Variants in IGF1R observed in about 807,000 individuals in gnomAD.
IGF1R encodes insulin-like growth factor 1 receptor.
Under a neutral mutation model 144.6 loss-of-function variants are expected in IGF1R, and 44 were observed. That is an observed-to-expected ratio of 0.30 (90% CI 0.24 to 0.39). IGF1R has a LOEUF of 0.39. Ranked by LOEUF, IGF1R falls within the 10% of genes least tolerant of loss-of-function variation. IGF1R has a pLI of 1.00. For missense variants in IGF1R, 1,355 were observed against 1,833.7 expected (o/e 0.74, Z 4.77); for synonymous variants, 795 against 722.8 (o/e 1.10, Z -1.60).
chr15:98,704,808 A>G lies in IGF1R; in HGVS notation c.95-2754A>G, dbSNP rs74032534. Reference sequence around the variant, plus strand: ...GAACAGCGTGCTGCACAGGGAGGAAAGACGTGGGGCAGCATTGTGGGAAGA... The same window carrying G: ...GAACAGCGTGCTGCACAGGGAGGAAGGACGTGGGGCAGCATTGTGGGAAGA... On this transcript the variant is annotated intron_variant, in intron 1 of 20. Coordinates refer to ENST00000650285, the MANE Select transcript of IGF1R (RefSeq NM_000875.5). The surrounding 1 kb of genome is among the most constrained non-coding windows in gnomAD (Gnocchi z 4.9). Among the ~76,000 whole-genome samples, 1 of 152,002 alleles carries G rather than the reference A, an allele frequency of 6.6e-6. No individual in the cohort carries two copies. Among genetic ancestry groups the G allele is most frequent in the South Asian group, 2.1e-4 (1 of 4,816 alleles).
rs150226058 is a variant in IGF1R at position 98,819,560 on chromosome 15, C to A, written c.641-71765C>A. 1.3e-3 allele frequency among the ~76,000 whole-genome samples: 198 copies of A among 152,234 alleles called. 1 individual carries two copies. The highest frequency in any genetic ancestry group is 4.7e-3 in the African/African-American group (196 of 41,548). On this transcript the variant is annotated intron_variant, in intron 2 of 20. Transcript: ENST00000650285. Reference sequence around the variant, plus strand: ...GTGCCTTGATCTTGGACTTCCCAGACTCTAGAACTGTAAGGAATAAGTTTC... The same window carrying A: ...GTGCCTTGATCTTGGACTTCCCAGAATCTAGAACTGTAAGGAATAAGTTTC...
chr15:98,859,436 A>C (rs2012022166), intron 2 of IGF1R, among the ~76,000 whole-genome samples: 1 of 152,216 alleles, frequency 6.6e-6, no homozygotes, highest in South Asian at 2.1e-4. Context: ...CGATGTTTGC[A>C]CTCAGACACT....
chr15:98,753,984 A>G (rs950576680), intron 2 of IGF1R, among the ~76,000 whole-genome samples: 5 of 152,178 alleles, frequency 3.3e-5, no homozygotes, highest in Non-Finnish European at 7.4e-5. Flanking sequence ...GCAGGGCTCC[A>G]GCCTTCCTTC....
chr15:98,867,066 C>T (rs2012488625), intron 2 of IGF1R, among the ~76,000 whole-genome samples: 1 of 151,864 alleles, frequency 6.6e-6, no homozygotes, highest in Non-Finnish European at 1.5e-5. Flanking sequence ...ACACCAATGG[C>T]GCCTCTCACA....
At chr15:98,700,117 T>C (rs976288883) in intron 1 of IGF1R, among the ~76,000 whole-genome samples, 1 of 152,180 alleles carries the variant, frequency 6.6e-6, no homozygotes, top group Non-Finnish European at 1.5e-5. Flanking sequence ...ATTGTCTTTT[T>C]CCCTCTTTTC....
chr15:98,773,202 C>T (rs1002847570), intron 2 of IGF1R, among the ~76,000 whole-genome samples: 7 of 152,086 alleles, frequency 4.6e-5, no homozygotes, highest in Non-Finnish European at 7.3e-5. Flanking sequence ...GCTCAGATGA[C>T]CCCCGTGCTG....
At position 98,902,616 on chromosome 15, in the gene IGF1R, G is replaced by A. The variant is rs1029486137; in HGVS notation, c.1247+2995G>A. 6.7e-5 allele frequency among the ~76,000 whole-genome samples: 10 copies of A among 150,328 alleles called. No homozygotes were observed. The East Asian group carries it at 7.8e-4, about 12-fold the overall frequency. On this transcript the variant is annotated intron_variant, in intron 5 of 20. Transcript: ENST00000650285. ...CTTTTAGTAGAGACGGACTTTCACC[G>A]TGTTGTTCAGGCTGGTCTCAAACTC... is the stretch of plus-strand genomic sequence containing the variant.
chr15:98,793,670 G>A (rs988952807), intron 2 of IGF1R, among the ~76,000 whole-genome samples: 3 of 152,146 alleles, frequency 2.0e-5, no homozygotes, highest in African/African-American at 4.8e-5. Flanking sequence ...AGCATAGAAC[G>A]TATACTCTGA....
chr15:98,877,586 A>T (rs2013127416), intron 2 of IGF1R, among the ~76,000 whole-genome samples: 1 of 150,628 alleles, frequency 6.6e-6, no homozygotes, highest in South Asian at 2.1e-4. Flanking sequence ...TTTTAAAAAG[A>T]GACTTTCACA....
intron 2 of IGF1R, among the ~76,000 whole-genome samples, chr15:98,851,985 A>G (rs1314603171): frequency 1.3e-5 from 2 of 152,240 alleles, no homozygotes; most frequent in Non-Finnish European, 2.9e-5. Flanking sequence ...AATTTTTAGT[A>G]CAGGGATTTA....
In IGF1R at chr15:98,913,377, C is replaced by T. The variant is rs34127206; in HGVS notation, c.1828+95C>T. 1,286 of 943,468 alleles carry T rather than the reference C, an allele frequency of 1.4e-3. 15 individuals are homozygous for T. The African/African-American group carries it at 0.017, about 12-fold the overall frequency. 58.4% of individuals were successfully genotyped at this position (943,468 alleles called of 1,614,324 possible). A position where few individuals can be genotyped will look rare whatever the true frequency, so the allele number is the denominator to read the frequency against. On this transcript the variant is annotated intron_variant, in intron 8 of 20. Transcript: ENST00000650285. ...GTGTCATTGTAGGGTTAGCAGTGAG[C>T]TATGCCTGTTGTCTTTCTTGTCAAT...
rs1185440495 is a variant in IGF1R at position 98,648,716 on chromosome 15, G to A, written c.-866G>A. On this transcript the variant is annotated 5_prime_UTR_variant, in exon 1 of 21. Transcript: ENST00000650285. ...GCCAGCGAGCCTGCCCACGGCCGGC[G>A]CTCGCAGACCCTCGGCCCCGCTCCC... Among the ~76,000 whole-genome samples the A allele has an allele frequency of 1.4e-5, 2 of 147,098 alleles. No homozygotes were observed. The highest frequency in any genetic ancestry group is 2.0e-4 in the East Asian group (1 of 5,042).
At chr15:98,814,293 T>C (rs1421746921) in intron 2 of IGF1R, among the ~76,000 whole-genome samples, 6 of 142,014 alleles carry the variant, frequency 4.2e-5, no homozygotes, top group Admixed American at 4.0e-4. Flanking sequence ...CAGTGAAAGC[T>C]TTTTTTAATG....
At chr15:98,944,786 A>C (rs906734742) in intron 19 of IGF1R, among the ~76,000 whole-genome samples, 1 of 152,250 alleles carries the variant, frequency 6.6e-6, no homozygotes, top group South Asian at 2.1e-4. Context: ...GTTTCCTTCC[A>C]GGGACTCCAT....
intron 2 of IGF1R, among the ~76,000 whole-genome samples, chr15:98,805,050 A>G (rs924035014): frequency 2.2e-4 from 34 of 152,196 alleles, no homozygotes; most frequent in Non-Finnish European, 8.8e-5. Context: ...GAAGTACAGG[A>G]TAATTATTTG....
chr15:98,925,935 A>C (rs979650984), intron 13 of IGF1R, among the ~76,000 whole-genome samples: 4 of 151,928 alleles, frequency 2.6e-5, no homozygotes, highest in African/African-American at 9.7e-5. Flanking sequence ...AAAACAGCGC[A>C]CTCAATAGGT....
At chr15:98,769,330 T>C (rs1014794673) in intron 2 of IGF1R, among the ~76,000 whole-genome samples, 5 of 152,206 alleles carry the variant, frequency 3.3e-5, no homozygotes, top group African/African-American at 1.2e-4. Context: ...TCACCTATTT[T>C]TGCTCTAAGG....
intron 1 of IGF1R, among the ~76,000 whole-genome samples, chr15:98,660,000 G>C (rs1446126557): frequency 1.3e-5 from 2 of 152,136 alleles, no homozygotes; most frequent in African/African-American, 4.8e-5. Context: ...TTTGTTTCAT[G>C]TTTTATTGAT....
intron 2 of IGF1R, among the ~76,000 whole-genome samples, chr15:98,794,776 A>T (rs2056200934): frequency 6.6e-6 from 1 of 152,252 alleles, no homozygotes; most frequent in Non-Finnish European, 1.5e-5. Flanking sequence ...AACACTTGAA[A>T]TACCAAGTGA....
Sources: allele counts gnomAD v4.1 joint callset (sites outside exome capture counted in the v4.1 genomes callset), GRCh38; gene constraint gnomAD v4.1.1; non-coding constraint Gnocchi (gnomAD v3.1); transcripts MANE v1.5; gene names NCBI Gene and HGNC (gene_info 2026-07-23, HGNC 2026-07-21).